SLC38A11: variants seen among roughly 807,000 people sequenced by gnomAD.
SLC38A11 encodes solute carrier family 38 member 11.
SLC38A11 carries 51 observed loss-of-function variants against 49.4 expected under a neutral mutation model. The ratio of observed to expected loss-of-function variants is 1.03; its 90% CI spans 0.83 to 1.30. SLC38A11 has a LOEUF of 1.30. Among genes scored for constraint, SLC38A11 ranks in the 50% most tolerant of loss-of-function variants. The probability of loss-of-function intolerance (pLI) is 0.00; values close to 1 mark genes in which losing one functional copy is unlikely to be tolerated. For missense variants in SLC38A11, 574 were observed against 556.2 expected, an observed-to-expected ratio of 1.03 and a Z score of -0.32; for synonymous variants, 203 against 192.9, an observed-to-expected ratio of 1.05 and a Z score of -0.43.
chr2:164,903,638 T>G (rs537237613), intron 11 of SLC38A11, among the ~76,000 whole-genome samples: 1 of 152,204 alleles, frequency 6.6e-6, no homozygotes, highest in East Asian at 1.9e-4. Context: ...ATCTATTTAA[T>G]GTAGACTTGC....
intron 9 of SLC38A11, among the ~76,000 whole-genome samples, chr2:164,913,791 C>G (rs541233308): frequency 4.1e-4 from 63 of 152,158 alleles, no homozygotes; most frequent in Non-Finnish European, 7.5e-4. Flanking sequence ...GAACACAATT[C>G]TTATCAGAAG....
At chr2:164,921,720 T>A (rs1686219070) in intron 7 of SLC38A11, among the ~76,000 whole-genome samples, 1 of 152,156 alleles carries the variant, frequency 6.6e-6, no homozygotes, top group African/African-American at 2.4e-5. Flanking sequence ...TACAATACCT[T>A]AGGAAGCTTT....
chr2:164,913,196 A>G (rs939406359), intron 9 of SLC38A11, among the ~76,000 whole-genome samples: 1 of 151,936 alleles, frequency 6.6e-6, no homozygotes, highest in African/African-American at 2.4e-5. Flanking sequence ...ACAAATCTAC[A>G]TTACTTTAGA....
chr2:164,900,151 T>A (rs1331005817), intron 11 of SLC38A11, among the ~76,000 whole-genome samples: 1 of 152,096 alleles, frequency 6.6e-6, no homozygotes, highest in African/African-American at 2.4e-5. Context: ...TGAATAATAT[T>A]CCATGTTACA....
chr2:164,953,149 C>T lies in SLC38A11; in HGVS notation c.155-368G>A, dbSNP rs115118393. On this transcript the variant is annotated intron_variant, in intron 2 of 11. Transcript: ENST00000685975. The stretch of plus-strand genomic sequence containing the variant: ...CCTCAAATCCTTCCTTACCTGCTAG[C>T]CAAGAAAGCAGAGAGGATAATAAGG... 2.9e-3 allele frequency: 578 copies of T among 200,808 alleles called. 5 individuals are homozygous for T. The highest frequency in any genetic ancestry group is 0.014 in the African/African-American group (566 of 41,750). The allele number at this position is 200,808 out of a possible 1,614,324, so 12.4% of individuals were successfully genotyped here. A position where few individuals can be genotyped will look rare whatever the true frequency, so the allele number is the denominator to read the frequency against.
intron 11 of SLC38A11, among the ~76,000 whole-genome samples, chr2:164,902,099 T>C (rs1684693339): frequency 6.6e-6 from 1 of 150,474 alleles, no homozygotes; most frequent in Non-Finnish European, 1.5e-5. Context: ...ACTAGCATTA[T>C]CACAGTTCAG....
At chr2:164,909,510 G>C (rs1443010196) in intron 10 of SLC38A11, among the ~76,000 whole-genome samples, 1 of 150,828 alleles carries the variant, frequency 6.6e-6, no homozygotes, top group Non-Finnish European at 1.5e-5. Context: ...GGAGAATTTA[G>C]GACTAGAAGG....
At chr2:164,919,414 AATAAAG>A (rs754488809) in intron 7 of SLC38A11, among the ~76,000 whole-genome samples, 3 of 152,354 alleles carry the variant, frequency 2.0e-5, no homozygotes, top group Non-Finnish European at 2.9e-5. Context: ...TTAAAGTTAT[AATAAAG>A]ATAAACAATA....
At chr2:164,925,729 T>C (rs1171899209) in intron 7 of SLC38A11, among the ~76,000 whole-genome samples, 1 of 152,216 alleles carries the variant, frequency 6.6e-6, no homozygotes, top group Non-Finnish European at 1.5e-5. Flanking sequence ...TTATCTCTTA[T>C]GTGATCTTTG....
rs529421490 is a variant in SLC38A11, at chr2:164,915,239, G to A, written c.723C>T (p.Tyr241=). The part of the protein sequence containing the change: ...FICHHNSFLV[Y]SSLEEPTVAK... ...CTACTGTGGGTTCTTCTAGAGAACTGTAAACTAAGAAGGAGTTATGGTGGC... is the reference window on the plus strand; with the variant it reads ...CTACTGTGGGTTCTTCTAGAGAACTATAAACTAAGAAGGAGTTATGGTGGC... The change falls in exon 9 of 12, where the codon TAC becomes TAT. Residue 241 remains tyrosine, a synonymous_variant. Transcript: ENST00000685975. The A allele has an allele frequency of 2.1e-5, 34 of 1,609,154 alleles. No homozygotes were observed. The highest frequency in any genetic ancestry group is 1.6e-4 in the East Asian group (7 of 44,742).
intron 7 of SLC38A11, among the ~76,000 whole-genome samples, chr2:164,929,145 C>A (rs1459746587): frequency 1.3e-5 from 2 of 152,136 alleles, no homozygotes; most frequent in Non-Finnish European, 2.9e-5. Flanking sequence ...TCCAAATTCA[C>A]TTTCCTATCA....
At chr2:164,947,117 C>CTCTTTTTTTT (rs1688168614) in intron 3 of SLC38A11, among the ~76,000 whole-genome samples, 2 of 72,900 alleles carry the variant, frequency 2.7e-5, no homozygotes, top group Non-Finnish European at 2.4e-5. Flanking sequence ...TTTTTTATCT[C>CTCTTTTTTTT]TTTTTTTTTT....
At position 164,949,230 on chromosome 2, in the gene SLC38A11, T is replaced by C. The variant is rs183390163; in HGVS notation, c.229+3477A>G. ...ATAAATGACCTAATAAATATATTTTTATTTATTTAATTTAATTAATTAATT... is the reference window on the plus strand; with the variant it reads ...ATAAATGACCTAATAAATATATTTTCATTTATTTAATTTAATTAATTAATT... On this transcript the variant is annotated intron_variant, in intron 3 of 11. Coordinates refer to ENST00000685975, the MANE Select transcript of SLC38A11 (RefSeq NM_001351537.2). Among the ~76,000 whole-genome samples the C allele has an allele frequency of 3.3e-4, 50 of 152,036 alleles. No homozygotes were observed. The East Asian group carries it at 8.1e-3, about 25-fold the overall frequency.
chr2:164,908,645 G>T lies in SLC38A11; in HGVS notation c.1090C>A (p.Leu364Ile). Residue 364 changes from leucine (L) to isoleucine (I), a missense_variant, in exon 11 of 12, where the codon CTC becomes ATC. Transcript: ENST00000685975. ...AAATCTTTGCACGTACTCACATTGA[G>T]TTCTAGAACTATCCCGAGGCAATCA... ...LIDCLGIVLE[L>I]NGVLCATPLI... is the part of the protein sequence containing the mutation. 6.3e-7 allele frequency: 1 copy of T among 1,590,106 alleles called. No individual in the cohort carries two copies.
intron 5 of SLC38A11, among the ~76,000 whole-genome samples, chr2:164,939,990 T>C (rs1057115315): frequency 9.1e-6 from 1 of 110,002 alleles, no homozygotes; most frequent in Non-Finnish European, 1.9e-5. Context: ...ATGCATTTTC[T>C]AAGGTTTTTT....
At chr2:164,922,422 C>G (rs1349344356) in intron 7 of SLC38A11, 8 of 152,316 alleles carry the variant, frequency 5.3e-5, no homozygotes, top group African/African-American at 1.9e-4. Flanking sequence ...CCCCCAGCTC[C>G]TGCATCCACT....
chr2:164,900,794 C>T (rs1460091124), intron 11 of SLC38A11, among the ~76,000 whole-genome samples: 1 of 151,858 alleles, frequency 6.6e-6, no homozygotes, highest in Non-Finnish European at 1.5e-5. Context: ...CTGCAGAGGC[C>T]TTTTAGTTTG....
intron 11 of SLC38A11, among the ~76,000 whole-genome samples, chr2:164,903,044 T>C (rs139670171): frequency 1.3e-5 from 2 of 152,352 alleles, no homozygotes; most frequent in Non-Finnish European, 2.9e-5. Context: ...GATTCTATCA[T>C]AATATTTGGA....
chr2:164,926,983 G>A (rs1164028220), intron 7 of SLC38A11, among the ~76,000 whole-genome samples: 4 of 151,692 alleles, frequency 2.6e-5, no homozygotes, highest in East Asian at 3.9e-4. Flanking sequence ...TGCACGTTGT[G>A]CACATGTACC....
Sources: gnomAD v4.1 joint callset for allele counts (sites outside exome capture counted in the v4.1 genomes callset) on GRCh38, gnomAD v4.1.1 for gene constraint, MANE v1.5 for transcripts, NCBI Gene and HGNC (gene_info 2026-07-23, HGNC 2026-07-21) for gene names.